Variants in PDZD2 observed in about 807,000 individuals in gnomAD.
PDZD2 encodes the protein PDZ domain containing 2.
In PDZD2, 90 loss-of-function variants were observed where a neutral mutation model predicts 220.7. The ratio of observed to expected loss-of-function variants is 0.41; its 90% confidence interval spans 0.34 to 0.49. PDZD2 has a LOEUF of 0.49. Ranked by LOEUF, PDZD2 falls within the 20% of genes least tolerant of loss-of-function variation. PDZD2 has a pLI of 0.28. For synonymous variants in PDZD2, 1,375 were observed against 1,450.5 expected (o/e 0.95, Z 1.18); for missense variants, 3,174 against 3,608.5 (o/e 0.88, Z 3.08).
chr5:31,719,068 T>TA (rs1278679935), intron 1 of PDZD2, among the ~76,000 whole-genome samples: 1 of 152,202 alleles, frequency 6.6e-6, no homozygotes, highest in African/African-American at 2.4e-5. Context: ...CATTCTGAGG[T>TA]ACTAGAAGTT....
intron 7 of PDZD2, among the ~76,000 whole-genome samples, chr5:32,041,050 G>A (rs1433227135): frequency 4.5e-5 from 6 of 134,102 alleles, no homozygotes; most frequent in South Asian, 2.5e-4. Flanking sequence ...CCCAGCAGCC[G>A]CCCCGTCTGG....
chr5:31,984,644 A>G (rs35964348), intron 3 of PDZD2, among the ~76,000 whole-genome samples: 107,012 of 151,942 alleles, frequency 0.7, 38,426 homozygotes, highest in Middle Eastern at 0.81. Flanking sequence ...ATGGTAGATC[A>G]CTTGAGCTCA....
rs538175757 is a variant in PDZD2, at chr5:31,671,486, C to T, written c.-361+32049C>T. Among the ~76,000 whole-genome samples, 30 of 152,170 alleles carry T rather than the reference C, an allele frequency of 2.0e-4. No individual in the cohort carries two copies. The South Asian group carries it at 5.8e-3, about 29-fold the overall frequency. On this transcript the variant is annotated intron_variant, in intron 1 of 24. Transcript: ENST00000438447. ...GGTCAGCATCAGGACTGGGAGCTGGCGTGCTGTGCTCATAGCAGCGGCACA... is the reference window on the plus strand; with the variant it reads ...GGTCAGCATCAGGACTGGGAGCTGGTGTGCTGTGCTCATAGCAGCGGCACA...
intron 1 of PDZD2, among the ~76,000 whole-genome samples, chr5:31,681,606 C>T (rs1013506449): frequency 1.3e-5 from 2 of 151,720 alleles, no homozygotes; most frequent in Admixed American, 6.6e-5. Flanking sequence ...ATAATATGTG[C>T]GTATGTGTCT....
At chr5:32,056,758 G>A (rs1381890667) in intron 10 of PDZD2, among the ~76,000 whole-genome samples, 1 of 152,128 alleles carries the variant, frequency 6.6e-6, no homozygotes, top group African/African-American at 2.4e-5. Context: ...TAGTAAACTT[G>A]CCAGCTTACT....
intron 2 of PDZD2, among the ~76,000 whole-genome samples, chr5:31,921,151 G>A (rs953710823): frequency 6.6e-6 from 1 of 152,158 alleles, no homozygotes; most frequent in Non-Finnish European, 1.5e-5. Flanking sequence ...TAGATCCTCT[G>A]TGACAAACGG....
intron 2 of PDZD2, among the ~76,000 whole-genome samples, chr5:31,968,998 G>T (rs1055366375): frequency 6.6e-6 from 1 of 152,148 alleles, no homozygotes; most frequent in Non-Finnish European, 1.5e-5. Flanking sequence ...GATTTGTGAC[G>T]TTGGAATGGT....
chr5:31,856,908 C>CTATATATATA (rs61675053), intron 2 of PDZD2, among the ~76,000 whole-genome samples: 26 of 140,666 alleles, frequency 1.8e-4, no homozygotes, highest in African/African-American at 6.6e-4. Context: ...CTTATCAAAA[C>CTATATATATA]TATATATATA....
intron 1 of PDZD2, among the ~76,000 whole-genome samples, chr5:31,733,805 C>T (rs1749679069): frequency 6.6e-6 from 1 of 152,212 alleles, no homozygotes; most frequent in Non-Finnish European, 1.5e-5. Context: ...CTACTATCCT[C>T]TCACTCAACA....
intron 12 of PDZD2, among the ~76,000 whole-genome samples, chr5:32,058,580 A>G (rs1265218052): frequency 1.3e-5 from 2 of 151,612 alleles, no homozygotes; most frequent in Non-Finnish European, 2.9e-5. Flanking sequence ...AGGCTGAGGC[A>G]AGACAATCGC....
At chr5:31,720,512 A>C (rs559985363) in intron 1 of PDZD2, among the ~76,000 whole-genome samples, 1 of 152,346 alleles carries the variant, frequency 6.6e-6, no homozygotes, top group South Asian at 2.1e-4. Flanking sequence ...TAATAGGAGG[A>C]AAAGAATACA....
At chr5:31,856,569 C>T (rs948239609) in intron 2 of PDZD2, among the ~76,000 whole-genome samples, 48 of 152,138 alleles carry the variant, frequency 3.2e-4, no homozygotes, top group Non-Finnish European at 5.7e-4. Flanking sequence ...CTAAGAGCAG[C>T]AAAGTCACCA....
At chr5:31,897,676 C>G (rs1384981952) in intron 2 of PDZD2, among the ~76,000 whole-genome samples, 2 of 151,576 alleles carry the variant, frequency 1.3e-5, no homozygotes, top group Admixed American at 1.3e-4. Flanking sequence ...TAGTTAAGTA[C>G]AGAAGAGACG....
chr5:31,651,638 A>ATTT lies in PDZD2; in HGVS notation c.-361+12202_-361+12204dup, dbSNP rs1261752746. 9.5e-3 allele frequency among the ~76,000 whole-genome samples: 1,445 copies of ATTT among 151,336 alleles called. 28 individuals carry two copies. Among genetic ancestry groups the ATTT allele is most frequent in the African/African-American group, 0.034 (1,376 of 41,042 alleles). ...TTGGACTTGCTTTATTTATTTATTT[A>ATTT]TTTATTTTTTTGAGATAAGATCTCC... On this transcript the variant is annotated intron_variant, in intron 1 of 24. Coordinates refer to ENST00000438447, the MANE Select transcript of PDZD2 (RefSeq NM_178140.4).
intron 2 of PDZD2, among the ~76,000 whole-genome samples, chr5:31,940,469 C>G (rs1323142789): frequency 6.6e-6 from 1 of 152,214 alleles, no homozygotes; most frequent in East Asian, 1.9e-4. Context: ...GATCTGCCTT[C>G]CCTTTCTTTC....
chr5:31,780,036 AG>A (rs1462523879), intron 1 of PDZD2, among the ~76,000 whole-genome samples: 1 of 152,132 alleles, frequency 6.6e-6, no homozygotes, highest in Non-Finnish European at 1.5e-5. Flanking sequence ...CTGAGAAGCA[AG>A]CTCACTTTTC....
chr5:31,979,882 C>G (rs1170270316), intron 2 of PDZD2, among the ~76,000 whole-genome samples: 1 of 152,174 alleles, frequency 6.6e-6, no homozygotes, highest in South Asian at 2.1e-4. Context: ...CTTGGGCAAG[C>G]TGATTGATAT....
In PDZD2 at chr5:31,983,667, GT is replaced by G. The variant is rs747819226; in HGVS notation, c.978+14del. On this transcript the variant is annotated intron_variant, in intron 3 of 24. Coordinates refer to ENST00000438447, the MANE Select transcript of PDZD2 (RefSeq NM_178140.4). ...GACTGCCTGGCACGGGTAAGGTTTG[GT>G]TTGATTATGGAACCAGAATTTTATT... The G allele has an allele frequency of 1.9e-6, 3 of 1,604,530 alleles. No homozygotes were observed. Among genetic ancestry groups the G allele is most frequent in the Non-Finnish European group, 2.6e-6 (3 of 1,174,110 alleles).
intron 2 of PDZD2, among the ~76,000 whole-genome samples, chr5:31,908,104 AAAAAG>A (rs1353705218): frequency 2.4e-4 from 36 of 149,692 alleles, no homozygotes; most frequent in Admixed American, 4.6e-4. Flanking sequence ...AAAAAAAAAA[AAAAAG>A]AAAGAAAAGG....
Sources: gnomAD v4.1 joint callset for allele counts (sites outside exome capture counted in the v4.1 genomes callset) on GRCh38, gnomAD v4.1.1 for gene constraint, MANE v1.5 for transcripts, NCBI Gene and HGNC (gene_info 2026-07-23, HGNC 2026-07-21) for gene names.